Variants in GEMIN8 observed in about 807,000 individuals in gnomAD.
GEMIN8 encodes the protein gem nuclear organelle associated protein 8.
For synonymous variants in GEMIN8, 80 were observed against 78.5 expected, an observed-to-expected ratio of 1.02 and a Z score of -0.10; for missense variants, 185 against 205.9, an observed-to-expected ratio of 0.90 and a Z score of 0.62.
chrX:13,998,587 T>C, the GEMIN8 span, among the ~76,000 whole-genome samples: 1 of 111,051 alleles, frequency 9.0e-6, no homozygotes, highest in Non-Finnish European at 1.9e-5. Flanking sequence ...TTTAAAAAAA[T>C]AAGTTACCCA....
intron 1 of GEMIN8, among the ~76,000 whole-genome samples, chrX:14,027,462 G>A (rs1603206101): frequency 8.9e-6 from 1 of 112,820 alleles, no homozygotes; most frequent in African/African-American, 3.2e-5. Context: ...ACTGTGTTCA[G>A]AAAGCCTGCA....
At chrX:14,002,654 C>A (rs558691257), downstream of GEMIN8, among the ~76,000 whole-genome samples, 2 of 110,663 alleles carry the variant, frequency 1.8e-5, no homozygotes, top group South Asian at 3.9e-4. Flanking sequence ...CAGGTGTGCA[C>A]CACCATGCCC....
At chrX:13,989,151 C>A in the GEMIN8 span, among the ~76,000 whole-genome samples, 1 of 111,359 alleles carries the variant, frequency 9.0e-6, no homozygotes, top group Non-Finnish European at 1.9e-5. Flanking sequence ...TGCAATGGCA[C>A]AATCAGGGCT....
the GEMIN8 span, among the ~76,000 whole-genome samples, chrX:13,997,789 T>C: frequency 9.3e-6 from 1 of 107,790 alleles, no homozygotes; most frequent in Non-Finnish European, 1.9e-5. Flanking sequence ...TCCAAGCTAC[T>C]CGGGAGGCTT....
the GEMIN8 span, among the ~76,000 whole-genome samples, chrX:13,993,154 G>C: frequency 8.9e-6 from 1 of 112,073 alleles, no homozygotes; most frequent in African/African-American, 3.2e-5. Context: ...CTTGAGAAAT[G>C]GCTTTGTTCA....
Position 14,009,015 on chromosome X carries a change from A to T in GEMIN8, c.627T>A (p.Ala209=). ...AEMKRLYGDS[A]AKIQAMEAAV... ...CGGCCTCCATGGCTTGGATCTTGGC[A>T]GCACTGTCCCCGTACAAACGCTTCA... is the stretch of plus-strand genomic sequence containing the variant. Residue 209 remains alanine (A), a synonymous_variant, in exon 5 of 5, where the codon GCT becomes GCA. Transcript: ENST00000680255. 1.7e-6 allele frequency: 2 copies of T among 1,211,730 alleles called. No individual in the cohort carries two copies. The highest frequency in any genetic ancestry group is 2.2e-6 in the Non-Finnish European group (2 of 895,273).
chrX:13,988,006 C>A, the GEMIN8 span, among the ~76,000 whole-genome samples: 2 of 111,807 alleles, frequency 1.8e-5, no homozygotes, highest in African/African-American at 6.5e-5. Flanking sequence ...AATACCCTTT[C>A]CCTTCACAAG....
chrX:13,991,223 T>C, the GEMIN8 span, among the ~76,000 whole-genome samples: 1 of 112,440 alleles, frequency 8.9e-6, no homozygotes, highest in South Asian at 3.6e-4. Flanking sequence ...AAGCTGTTTG[T>C]TGAGATTGCA....
At chrX:14,013,898 G>A (rs894254439) in intron 4 of GEMIN8, 1 of 672,780 alleles carries the variant, frequency 1.5e-6, no homozygotes, top group African/African-American at 2.4e-5. Context: ...CAATAGGCAT[G>A]TATTATTAAG....
intron 2 of GEMIN8, among the ~76,000 whole-genome samples, chrX:14,022,678 CATG>C (rs1236149375): frequency 9.0e-6 from 1 of 111,531 alleles, no homozygotes; most frequent in Non-Finnish European, 1.9e-5. Context: ...TCCAAAAATG[CATG>C]ATAATTTAAG....
At chrX:14,011,292 T>C (rs1923518048) in intron 4 of GEMIN8, among the ~76,000 whole-genome samples, 1 of 111,410 alleles carries the variant, frequency 9.0e-6, no homozygotes, top group South Asian at 3.7e-4. Context: ...ATTCAGTCAC[T>C]AAGTTCATAC....
chrX:13,998,946 T>C, the GEMIN8 span, among the ~76,000 whole-genome samples: 7 of 112,242 alleles, frequency 6.2e-5, no homozygotes, highest in Non-Finnish European at 1.3e-4. Context: ...TCAGATTCTA[T>C]AGCACTCAAA....
At chrX:14,001,420 TAA>T in the GEMIN8 span, among the ~76,000 whole-genome samples, 2 of 112,565 alleles carry the variant, frequency 1.8e-5, no homozygotes, top group Non-Finnish European at 3.8e-5. Flanking sequence ...TTCAATGATC[TAA>T]AAGTGTTTTA....
intron 1 of GEMIN8, chrX:14,026,457 G>C: frequency 4.3e-6 from 3 of 699,263 alleles, no homozygotes; most frequent in Non-Finnish European, 5.1e-6. Flanking sequence ...ACTGAGTCTT[G>C]AATGATATAT....
At chrX:14,024,563 C>T (rs1037676849) in intron 2 of GEMIN8, among the ~76,000 whole-genome samples, 2 of 110,405 alleles carry the variant, frequency 1.8e-5, no homozygotes, top group Non-Finnish European at 3.8e-5. Context: ...GGAGAGGTAA[C>T]TTTGATCCAA....
the GEMIN8 span, among the ~76,000 whole-genome samples, chrX:13,993,113 G>A: frequency 8.9e-6 from 1 of 112,117 alleles, no homozygotes; most frequent in African/African-American, 3.2e-5. Flanking sequence ...TACTGTCATC[G>A]CCTTTGAACA....
At chrX:14,022,600 T>G (rs1603202260) in intron 2 of GEMIN8, among the ~76,000 whole-genome samples, 1 of 85,551 alleles carries the variant, frequency 1.2e-5, no homozygotes, top group African/African-American at 5.5e-5. Context: ...TAAAATAGAC[T>G]TTTTTTTTTT....
At chrX:14,002,847 C>T (rs1423040445), downstream of GEMIN8, among the ~76,000 whole-genome samples, 2 of 111,832 alleles carry the variant, frequency 1.8e-5, 1 homozygote, top group South Asian at 7.5e-4. Context: ...AGTTCCAAAC[C>T]CAAATAGCCA....
intron 4 of GEMIN8, among the ~76,000 whole-genome samples, chrX:14,016,457 G>A (rs1923903775): frequency 9.0e-6 from 1 of 111,422 alleles, no homozygotes; most frequent in South Asian, 3.7e-4. Flanking sequence ...ATTCTTTCAT[G>A]TCTTTAATAT....
Sources: allele counts gnomAD v4.1 joint callset (sites outside exome capture counted in the v4.1 genomes callset), GRCh38; gene constraint gnomAD v4.1.1; transcripts MANE v1.5; gene names NCBI Gene and HGNC (gene_info 2026-07-23, HGNC 2026-07-21).